Variants in TNFRSF19 observed in about 807,000 individuals in gnomAD.
TNFRSF19 encodes TNF receptor superfamily member 19.
In TNFRSF19, 27 loss-of-function variants were observed where a neutral mutation model predicts 46.4. The ratio of observed to expected loss-of-function variants is 0.58; its 90% CI spans 0.43 to 0.80. The LOEUF is 0.80. TNFRSF19 is among the 30% of genes least tolerant of loss of function. The probability of loss-of-function intolerance (pLI) is 0.00; values close to 1 mark genes in which losing one functional copy is unlikely to be tolerated. For missense variants in TNFRSF19, 511 were observed against 530.8 expected (o/e 0.96, Z 0.37); for synonymous variants, 204 against 205.0 (o/e 1.00, Z 0.04).
At chr13:23,594,087 C>T (rs1228295668) in intron 3 of TNFRSF19, 3 of 322,902 alleles carry the variant, frequency 9.3e-6, no homozygotes, top group Non-Finnish European at 1.9e-5. Context: ...CTACGCTTTT[C>T]CCATTGTCTG....
At chr13:23,643,559 G>A (rs1489895424) in intron 5 of TNFRSF19, among the ~76,000 whole-genome samples, 2 of 152,248 alleles carry the variant, frequency 1.3e-5, no homozygotes, top group South Asian at 2.1e-4. Flanking sequence ...ATTTCAGAAC[G>A]GATATAAACA....
At chr13:23,589,841 T>C (rs552398715) in intron 1 of TNFRSF19, among the ~76,000 whole-genome samples, 1 of 149,792 alleles carries the variant, frequency 6.7e-6, no homozygotes, top group East Asian at 2.0e-4. Context: ...TCATGCTGAG[T>C]GAAGTAGATT....
At chr13:23,649,044 A>G (rs925978631) in intron 5 of TNFRSF19, among the ~76,000 whole-genome samples, 3 of 152,034 alleles carry the variant, frequency 2.0e-5, no homozygotes, top group Admixed American at 1.3e-4. Context: ...TTTTTCCCTC[A>G]TGGCAGCTTT....
At position 23,668,885 on chromosome 13, in the gene TNFRSF19, A is replaced by G. The variant is rs767042376; in HGVS notation, c.1033A>G (p.Thr345Ala). The G allele has an allele frequency of 6.2e-7, 1 of 1,614,256 alleles. No individual in the cohort carries two copies. Among genetic ancestry groups the G allele is most frequent in the Non-Finnish European group, 8.5e-7 (1 of 1,180,048 alleles). The part of the protein sequence containing the change: ...HSLNPELESS[T>A]SLDSNSSQDL... ...TCTCAATCCAGAACTTGAAAGCTCAACGTCTTTGGATTCAAATAGCAGTCA... is the reference window on the plus strand; with the variant it reads ...TCTCAATCCAGAACTTGAAAGCTCAGCGTCTTTGGATTCAAATAGCAGTCA... The change falls in exon 9 of 10, where the codon ACG becomes GCG. Residue 345 changes from threonine to alanine, a missense_variant. By Grantham distance (58) the Thr-to-Ala change is moderately conservative (BLOSUM62 0). Around this residue, in one of 3 missense-constraint regions of TNFRSF19, gnomAD observed 376 missense variants for 372.7 expected, o/e 1.01. Transcript: ENST00000248484.
chr13:23,643,461 T>A (rs570106018), intron 5 of TNFRSF19, among the ~76,000 whole-genome samples: 1 of 152,358 alleles, frequency 6.6e-6, no homozygotes, highest in African/African-American at 2.4e-5. Flanking sequence ...AAGAGAGTAA[T>A]GTTTATTAAT....
chr13:23,608,301 C>T (rs1353421775), intron 3 of TNFRSF19, among the ~76,000 whole-genome samples: 1 of 152,202 alleles, frequency 6.6e-6, no homozygotes, highest in East Asian at 1.9e-4. Context: ...TAAATATGAG[C>T]TATCTCTTGT....
intron 4 of TNFRSF19, among the ~76,000 whole-genome samples, chr13:23,625,922 TA>T (rs1028525898): frequency 3.3e-5 from 5 of 152,196 alleles, no homozygotes; most frequent in South Asian, 4.1e-4. Flanking sequence ...TTAAATTTTT[TA>T]AAAAAATTTA....
At position 23,674,088 on chromosome 13, in the gene TNFRSF19, G is replaced by C; in HGVS notation, c.*708G>C. ...TGATCTCAGGAGAACACCTGGGCTA[G>C]GGAATGTGGTCGAGAAAGGGCAGCC... On this transcript the variant is annotated 3_prime_UTR_variant, in exon 10 of 10. Coordinates refer to ENST00000248484, the MANE Select transcript of TNFRSF19 (RefSeq NM_148957.4). The C allele has an allele frequency of 6.6e-6, 1 of 152,202 alleles. No homozygotes were observed. Among genetic ancestry groups the C allele is most frequent in the East Asian group, 1.9e-4 (1 of 5,200 alleles). The allele number at this position is 152,202 out of a possible 1,614,324, so 9.4% of individuals were successfully genotyped here.
At chr13:23,606,840 TTTATAAGCAGTTACTTTAA>T (rs552558482) in intron 3 of TNFRSF19, among the ~76,000 whole-genome samples, 212 of 152,356 alleles carry the variant, frequency 1.4e-3, no homozygotes, top group African/African-American at 4.8e-3. Context: ...GCTTGAGCTT[TTTATAAGCAGTTACTTTAA>T]TGTTAGATGT....
intron 3 of TNFRSF19, 130 bp downstream of exon 3, chr13:23,593,585 T>G: frequency 1.5e-6 from 1 of 678,450 alleles, no homozygotes; most frequent in Non-Finnish European, 2.5e-6. Flanking sequence ...TTATGTCACT[T>G]TAGCCAAATA....
At position 23,659,094 on chromosome 13, in the gene TNFRSF19, A is replaced by T; in HGVS notation, c.490A>T (p.Ser164Cys). ...NLVKIASTAS[S>C]PRDTALAAVI... ...CGTGAAGATCGCGTCCACGGCCTCC[A>T]GCCCACGGGACACGGCGCTGGCTGC... The change falls in exon 6 of 10, where the codon AGC becomes TGC. Residue 164 changes from serine to cysteine, a missense_variant. Ser to Cys is a moderately radical substitution (Grantham distance 112, BLOSUM62 -1). This residue lies in a region of TNFRSF19 where 376 missense variants were observed against 372.7 expected (regional missense o/e 1.01). Transcript: ENST00000248484. This position sits in a 1 kb window ranked among gnomAD's most constrained non-coding sequence, Gnocchi z 4.9. 6.2e-7 allele frequency: 1 copy of T among 1,613,948 alleles called. No individual in the cohort carries two copies. The highest frequency in any genetic ancestry group is 8.5e-7 in the Non-Finnish European group (1 of 1,180,020).
intron 7 of TNFRSF19, among the ~76,000 whole-genome samples, chr13:23,664,699 G>A (rs558418186): frequency 5.3e-5 from 8 of 152,206 alleles, no homozygotes; most frequent in Non-Finnish European, 1.2e-4. Context: ...CCAGTCTCAT[G>A]TTGTATATAC....
At chr13:23,598,043 AC>A (rs1352488171) in intron 3 of TNFRSF19, among the ~76,000 whole-genome samples, 15 of 152,228 alleles carry the variant, frequency 9.9e-5, no homozygotes, top group African/African-American at 3.6e-4. Context: ...GACAAAATTC[AC>A]CCCGTCATGC....
At chr13:23,648,722 G>C (rs1268060393) in intron 5 of TNFRSF19, among the ~76,000 whole-genome samples, 2 of 152,160 alleles carry the variant, frequency 1.3e-5, no homozygotes, top group African/African-American at 4.8e-5. Context: ...TGTTAGCTGT[G>C]AATTTTTCAT....
chr13:23,675,895 A>C lies in TNFRSF19; in HGVS notation c.*2515A>C, dbSNP rs545587331. 6.6e-6 allele frequency: 1 copy of C among 152,218 alleles called. No individual in the cohort carries two copies. Among genetic ancestry groups the C allele is most frequent in the Non-Finnish European group, 1.5e-5 (1 of 68,030 alleles). 9.4% of individuals were successfully genotyped at this position (152,218 alleles called of 1,614,324 possible). On this transcript the variant is annotated 3_prime_UTR_variant, in exon 10 of 10. Coordinates refer to ENST00000248484, the MANE Select transcript of TNFRSF19 (RefSeq NM_148957.4). ...CTTTAGATAATGTGTTAATATTGCTATTACCTAGGTTAAGCACTATTGTCT... is the reference window on the plus strand; with the variant it reads ...CTTTAGATAATGTGTTAATATTGCTCTTACCTAGGTTAAGCACTATTGTCT...
intron 3 of TNFRSF19, among the ~76,000 whole-genome samples, chr13:23,605,431 T>C (rs185911539): frequency 9.1e-4 from 139 of 152,348 alleles, no homozygotes; most frequent in African/African-American, 3.3e-3. Context: ...AAGCATACTC[T>C]TATTATTTGA....
chr13:23,607,117 T>G lies in TNFRSF19; in HGVS notation c.181-8750T>G, dbSNP rs924988695. 3.5e-5 allele frequency among the ~76,000 whole-genome samples: 3 copies of G among 84,576 alleles called. No individual in the cohort carries two copies. In the East Asian group the frequency reaches 8.7e-4, roughly 24 times the overall value. 55.5% of individuals were successfully genotyped at this position (84,576 alleles called of 152,430 possible). ...CAGACAACTACGTTTATAAATAATC[T>G]TTTTTAAAGCTTGAGATATTAAATG... On this transcript the variant is annotated intron_variant, in intron 3 of 9. Coordinates refer to ENST00000248484, the MANE Select transcript of TNFRSF19 (RefSeq NM_148957.4).
intron 5 of TNFRSF19, among the ~76,000 whole-genome samples, chr13:23,650,008 A>G (rs1298019625): frequency 6.6e-6 from 1 of 152,186 alleles, no homozygotes; most frequent in Non-Finnish European, 1.5e-5. Context: ...GTACACGTGA[A>G]GAGAATGTGT....
rs1881261304 is a variant in TNFRSF19 at position 23,615,995 on chromosome 13, G to A, written c.309G>A (p.Lys103=). The change falls in exon 4 of 10, where the codon AAG becomes AAA. Residue 103 remains lysine, a synonymous_variant. Coordinates refer to ENST00000248484, the MANE Select transcript of TNFRSF19 (RefSeq NM_148957.4). ...LDCAVVNRFQ[K]ANCSATSDAI... is the part of the protein sequence containing the mutation. ...GCGCAGTGGTGAACCGCTTTCAGAA[G>A]GCAAATTGTTCAGCCACCAGTGATG... 1 of 1,612,912 alleles carries A rather than the reference G, an allele frequency of 6.2e-7. No homozygotes were observed. Among genetic ancestry groups the A allele is most frequent in the African/African-American group, 1.3e-5 (1 of 74,922 alleles).
Sources: gnomAD v4.1 joint callset for allele counts (sites outside exome capture counted in the v4.1 genomes callset) on GRCh38, gnomAD v4.1.1 for gene constraint, gnomAD v4.1.1 regional missense constraint, Gnocchi (gnomAD v3.1) non-coding constraint, MANE v1.5 for transcripts, NCBI Gene and HGNC (gene_info 2026-07-23, HGNC 2026-07-21) for gene names.